KLHL1: variants seen among roughly 807,000 people sequenced by gnomAD.
KLHL1 encodes kelch-like protein 1.
In KLHL1, 47 loss-of-function variants were observed where a neutral mutation model predicts 77.7. That is an observed-to-expected ratio of 0.60 (90% CI 0.48 to 0.77). The LOEUF (loss-of-function observed/expected upper bound fraction) is 0.77, where lower values mean the gene tolerates loss of function less well. KLHL1 is among the 30% of genes least tolerant of loss of function. KLHL1 has a pLI of 0.00. For missense variants in KLHL1, 925 were observed against 910.8 expected, an observed-to-expected ratio of 1.02 and a Z score of -0.20; for synonymous variants, 360 against 325.2, an observed-to-expected ratio of 1.11 and a Z score of -1.15.
At chr13:69,776,790 G>A (rs1875848676) in intron 7 of KLHL1, among the ~76,000 whole-genome samples, 1 of 152,022 alleles carries the variant, frequency 6.6e-6, no homozygotes, top group Non-Finnish European at 1.5e-5. Flanking sequence ...AAATTGAGGT[G>A]GTAACTTCTG....
chr13:70,070,974 G>A (rs1855400365), intron 1 of KLHL1, among the ~76,000 whole-genome samples: 2 of 151,744 alleles, frequency 1.3e-5, no homozygotes, highest in South Asian at 2.1e-4. Flanking sequence ...TTAAAATAAA[G>A]GGAAGGCACA....
intron 6 of KLHL1, among the ~76,000 whole-genome samples, chr13:69,828,399 G>T (rs1405419097): frequency 2.0e-5 from 3 of 150,276 alleles, no homozygotes; most frequent in Non-Finnish European, 4.4e-5. Flanking sequence ...TCAGTACCCA[G>T]AGAAACCATT....
At chr13:69,941,956 A>T (rs544626444) in intron 3 of KLHL1, among the ~76,000 whole-genome samples, 35 of 152,108 alleles carry the variant, frequency 2.3e-4, no homozygotes, top group African/African-American at 8.4e-4. Flanking sequence ...AGATTGAAAC[A>T]GTAATTAAAA....
intron 7 of KLHL1, among the ~76,000 whole-genome samples, chr13:69,749,267 GTGTTA>G (rs768651340): frequency 6.6e-6 from 1 of 151,806 alleles, no homozygotes; most frequent in African/African-American, 2.4e-5. Flanking sequence ...ATATTTTTCT[GTGTTA>G]TGTTCAGTAT....
At chr13:69,784,327 C>T (rs1488799107) in intron 7 of KLHL1, among the ~76,000 whole-genome samples, 1 of 151,396 alleles carries the variant, frequency 6.6e-6, no homozygotes, top group Non-Finnish European at 1.5e-5. Context: ...CAAACTCACA[C>T]ATAACAATGT....
At chr13:69,786,675 G>A (rs766428209) in intron 7 of KLHL1, among the ~76,000 whole-genome samples, 2 of 152,110 alleles carry the variant, frequency 1.3e-5, no homozygotes, top group Admixed American at 1.3e-4. Context: ...GGCAGGAGAG[G>A]AAAATAAAGG....
intron 6 of KLHL1, among the ~76,000 whole-genome samples, chr13:69,822,173 G>A (rs1878365190): frequency 6.7e-6 from 1 of 148,612 alleles, no homozygotes; most frequent in Non-Finnish European, 1.5e-5. Context: ...ACTCCAGCCT[G>A]GGTGACAGAG....
chr13:69,757,618 G>A (rs150340832), intron 7 of KLHL1, among the ~76,000 whole-genome samples: 88 of 152,238 alleles, frequency 5.8e-4, no homozygotes, highest in African/African-American at 2.0e-3. Context: ...ATTTGGGGAT[G>A]GCTGTCAAAT....
rs565911782 is a variant in KLHL1 at position 69,722,774 on chromosome 13, A to G, written c.1803-3193T>C. Among the ~76,000 whole-genome samples the G allele has an allele frequency of 1.1e-4, 16 of 152,200 alleles. No individual in the cohort carries two copies. The South Asian group carries it at 2.9e-3, about 28-fold the overall frequency. ...TTTTTTGAGGGTAGTCCCTCAAAAA[A>G]TTACAAGTAGATTCACCATATGATC... On this transcript the variant is annotated intron_variant, in intron 8 of 10. Transcript: ENST00000377844.
intron 1 of KLHL1, among the ~76,000 whole-genome samples, chr13:70,056,436 A>G (rs1886747035): frequency 6.6e-6 from 1 of 152,174 alleles, no homozygotes; most frequent in Non-Finnish European, 1.5e-5. Context: ...ACCATCCAGA[A>G]AGAAAATCAA....
At chr13:69,790,765 A>C (rs1223189393) in intron 7 of KLHL1, among the ~76,000 whole-genome samples, 1 of 152,122 alleles carries the variant, frequency 6.6e-6, no homozygotes, top group Non-Finnish European at 1.5e-5. Context: ...TCATTGAACT[A>C]GGGGCCAGGC....
At chr13:69,788,494 C>T (rs537086710) in intron 7 of KLHL1, among the ~76,000 whole-genome samples, 22 of 152,104 alleles carry the variant, frequency 1.4e-4, no homozygotes, top group African/African-American at 4.3e-4. Context: ...GGGAACATCA[C>T]ACTTCGGGGA....
At chr13:70,024,325 C>G (rs931490417) in intron 1 of KLHL1, among the ~76,000 whole-genome samples, 1 of 151,572 alleles carries the variant, frequency 6.6e-6, no homozygotes, top group African/African-American at 2.4e-5. Context: ...TCATGATAAC[C>G]ATAACACTTC....
At chr13:70,026,882 G>A (rs1008948229) in intron 1 of KLHL1, among the ~76,000 whole-genome samples, 15 of 152,038 alleles carry the variant, frequency 9.9e-5, no homozygotes, top group African/African-American at 3.4e-4. Flanking sequence ...AGGACTAAAA[G>A]TTGTTAGAAG....
chr13:69,856,078 T>G (rs549916872), intron 5 of KLHL1, among the ~76,000 whole-genome samples: 4 of 151,494 alleles, frequency 2.6e-5, no homozygotes, highest in African/African-American at 9.7e-5. Flanking sequence ...AGCAGAGGCA[T>G]TCACTGCATT....
At position 69,777,647 on chromosome 13, in the gene KLHL1, T is replaced by C. The variant is rs527893378; in HGVS notation, c.1639+19091A>G. ...ACTTTTTTGGCTGAAATGTAATTTT[T>C]CCTTTTATATTTGCCTAACTATTCT... On this transcript the variant is annotated intron_variant, in intron 7 of 10. Coordinates refer to ENST00000377844, the MANE Select transcript of KLHL1 (RefSeq NM_020866.3). 1.3e-3 allele frequency among the ~76,000 whole-genome samples: 205 copies of C among 152,304 alleles called. 1 individual carries two copies. Among genetic ancestry groups the C allele is most frequent in the African/African-American group, 4.7e-3 (195 of 41,578 alleles).
chr13:69,871,154 T>C (rs1040451451), intron 5 of KLHL1, among the ~76,000 whole-genome samples: 1 of 152,142 alleles, frequency 6.6e-6, no homozygotes, highest in Non-Finnish European at 1.5e-5. Context: ...TAACAAGATA[T>C]GGAAGCTGCA....
chr13:69,866,954 C>A (rs982313997), intron 5 of KLHL1, among the ~76,000 whole-genome samples: 2 of 151,972 alleles, frequency 1.3e-5, no homozygotes, highest in African/African-American at 4.8e-5. Context: ...CACGTTTAAT[C>A]ATTACACATA....
intron 6 of KLHL1, among the ~76,000 whole-genome samples, chr13:69,837,657 TGTGTGTGTGTGTG>T: frequency 2.1e-5 from 2 of 94,296 alleles, no homozygotes; most frequent in Admixed American, 9.5e-5. Context: ...TATATATATA[TGTGTGTGTGTGTG>T]TATATATATA....
Sources: allele counts gnomAD v4.1 joint callset (sites outside exome capture counted in the v4.1 genomes callset), GRCh38; gene constraint gnomAD v4.1.1; transcripts MANE v1.5; gene names NCBI Gene and HGNC (gene_info 2026-07-23, HGNC 2026-07-21).